The following PTCSC3 variants were observed in gnomAD, a reference collection of about 807,000 sequenced individuals.
PTCSC3 encodes papillary thyroid carcinoma susceptibility candidate 3 (non-protein coding).
chr14:36,148,067 G>A (rs1881628278), intron 3 of PTCSC3, among the ~76,000 whole-genome samples: 3 of 152,140 alleles, frequency 2.0e-5, no homozygotes, highest in African/African-American at 7.2e-5. Context: ...TCTCTTCAAA[G>A]CTGTCAGACA....
At chr14:36,148,112 TTTTG>T (rs1412977829) in intron 3 of PTCSC3, among the ~76,000 whole-genome samples, 1 of 152,040 alleles carries the variant, frequency 6.6e-6, no homozygotes. Context: ...ACTGCTGTCT[TTTTG>T]TTTGTCTGTG....
At chr14:36,162,299 C>T (rs1383806574) in intron 2 of PTCSC3, among the ~76,000 whole-genome samples, 2 of 148,560 alleles carry the variant, frequency 1.3e-5, no homozygotes, top group African/African-American at 2.5e-5. Context: ...CTGCAGCCAG[C>T]TCAGTGTCTG....
chr14:36,139,138 AAAGAAAT>A (rs1407446374), intron 3 of PTCSC3, among the ~76,000 whole-genome samples: 13 of 142,186 alleles, frequency 9.1e-5, no homozygotes, highest in South Asian at 2.2e-4. Context: ...AAAAAAAAAA[AAAGAAAT>A]GCATATATGT....
At chr14:36,156,148 T>A (rs149788846) in intron 2 of PTCSC3, among the ~76,000 whole-genome samples, 2,288 of 152,350 alleles carry the variant, frequency 0.015, 30 homozygotes, top group South Asian at 0.032. Context: ...GGTAAGTTTT[T>A]GTACATCACC....
rs1054504980 is a variant in PTCSC3 at position 36,167,155 on chromosome 14, T to C, written n.172-4472A>G. Among the ~76,000 whole-genome samples, 3 of 152,292 alleles carry C rather than the reference T, an allele frequency of 2.0e-5. No homozygotes were observed. The East Asian group carries it at 5.8e-4, about 29-fold the overall frequency. Reference sequence around the variant, plus strand: ...CCATTTTAAACCCAGCAATAGTGAGTGCAAACTTATTTCAGTACTTTTTCT... The same window carrying C: ...CCATTTTAAACCCAGCAATAGTGAGCGCAAACTTATTTCAGTACTTTTTCT... On this transcript the variant is annotated intron_variant and non_coding_transcript_variant, in intron 1 of 3. Transcript: ENST00000556013.
chr14:36,139,147 C>T (rs79679785), intron 3 of PTCSC3, among the ~76,000 whole-genome samples: 5,152 of 142,842 alleles, frequency 0.036, 272 homozygotes, highest in East Asian at 0.13. Context: ...AAAAGAAATG[C>T]ATATATGTCC....
At chr14:36,164,764 C>A (rs1164121736) in intron 1 of PTCSC3, among the ~76,000 whole-genome samples, 3 of 152,086 alleles carry the variant, frequency 2.0e-5, no homozygotes, top group Non-Finnish European at 4.4e-5. Context: ...GACATCAGAA[C>A]CATTTTTACA....
At chr14:36,139,127 A>AT (rs1443059748) in intron 3 of PTCSC3, among the ~76,000 whole-genome samples, 1 of 150,914 alleles carries the variant, frequency 6.6e-6, no homozygotes, top group Non-Finnish European at 1.5e-5. Context: ...AATAAAAAAA[A>AT]AAAAAAAAAA....
At position 36,147,112 on chromosome 14, in the gene PTCSC3, G is replaced by A. The variant is rs1435319021; in HGVS notation, n.322+6692C>T. Among the ~76,000 whole-genome samples the A allele has an allele frequency of 3.4e-3, 517 of 150,070 alleles. 5 individuals are homozygous for A. The highest frequency in any genetic ancestry group is 0.01 in the Admixed American group (156 of 15,086). On this transcript the variant is annotated intron_variant and non_coding_transcript_variant, in intron 3 of 3. Transcript: ENST00000556013. ...CCCTTAACATTTTTTCCTTCATTTCGACTTTGGTGAATCTGACAATTATGT... is the reference window on the plus strand; with the variant it reads ...CCCTTAACATTTTTTCCTTCATTTCAACTTTGGTGAATCTGACAATTATGT...
chr14:36,136,070 G>A (rs1566500439), downstream of PTCSC3: 1 of 152,192 alleles, frequency 6.6e-6, no homozygotes, highest in African/African-American at 2.4e-5. Context: ...CAAGGGCAGG[G>A]AGCATCCAGC....
chr14:36,170,411 G>A (rs981308806), intron 1 of PTCSC3, among the ~76,000 whole-genome samples: 4 of 152,028 alleles, frequency 2.6e-5, no homozygotes, highest in Non-Finnish European at 2.9e-5. Context: ...GCTCATTGGC[G>A]TTGAAACTAA....
In PTCSC3 at chr14:36,175,203, G is replaced by A. The variant is rs554089661; in HGVS notation, n.171+1095C>T. ...CTGCCATGCTCTGCTCAGACTCCAGGTCTCTGTACCATGGTCAGGAAATTG... is the reference window on the plus strand; with the variant it reads ...CTGCCATGCTCTGCTCAGACTCCAGATCTCTGTACCATGGTCAGGAAATTG... On this transcript the variant is annotated intron_variant and non_coding_transcript_variant, in intron 1 of 3. Coordinates refer to ENST00000556013, the Ensembl canonical transcript of PTCSC3. Among the ~76,000 whole-genome samples the A allele has an allele frequency of 3.3e-5, 5 of 152,212 alleles. No homozygotes were observed. The East Asian group carries it at 9.7e-4, about 29-fold the overall frequency.
At chr14:36,151,971 A>T (rs1881733470) in intron 3 of PTCSC3, among the ~76,000 whole-genome samples, 1 of 152,194 alleles carries the variant, frequency 6.6e-6, no homozygotes, top group Non-Finnish European at 1.5e-5. Flanking sequence ...TTTTCATTTC[A>T]TTGTGATTTG....
In PTCSC3 at chr14:36,152,028, A is replaced by C. The variant is rs143251598; in HGVS notation, n.322+1776T>G. Reference sequence around the variant, plus strand: ...TCTAAGAAGATTTGTTGATTTTCAAATTTTCAGCCCTCTTGTTGTGAGGAC... The same window carrying C: ...TCTAAGAAGATTTGTTGATTTTCAACTTTTCAGCCCTCTTGTTGTGAGGAC... On this transcript the variant is annotated intron_variant and non_coding_transcript_variant, in intron 3 of 3. Coordinates refer to ENST00000556013, the Ensembl canonical transcript of PTCSC3. 9.6e-3 allele frequency among the ~76,000 whole-genome samples: 1,448 copies of C among 150,976 alleles called. 8 individuals are homozygous for C. Among genetic ancestry groups the C allele is most frequent in the Middle Eastern group, 0.034 (10 of 294 alleles).
At chr14:36,168,981 C>A (rs1235737801) in intron 1 of PTCSC3, among the ~76,000 whole-genome samples, 1 of 152,094 alleles carries the variant, frequency 6.6e-6, no homozygotes, top group African/African-American at 2.4e-5. Flanking sequence ...GAATTTAAAA[C>A]TTCAGAGTTT....
intron 2 of PTCSC3, among the ~76,000 whole-genome samples, chr14:36,157,145 T>G (rs1881847436): frequency 6.6e-6 from 1 of 152,248 alleles, no homozygotes; most frequent in African/African-American, 2.4e-5. Flanking sequence ...GGTTTTGATT[T>G]GCATTTCTCT....
Position 36,152,215 on chromosome 14 carries a change from T to C in PTCSC3, n.322+1589A>G, listed in dbSNP as rs541893713. Among the ~76,000 whole-genome samples, 10 of 152,248 alleles carry C rather than the reference T, an allele frequency of 6.6e-5. No homozygotes were observed. The South Asian group carries it at 1.0e-3, about 16-fold the overall frequency. On this transcript the variant is annotated intron_variant and non_coding_transcript_variant, in intron 3 of 3. Transcript: ENST00000556013. ...TCATGATTTGAGATAGACAAGTTTT[T>C]TGAAGGTAAAAAAATGCTAAAGAAA...
chr14:36,155,382 A>G (rs1881806034), intron 2 of PTCSC3, among the ~76,000 whole-genome samples: 1 of 152,210 alleles, frequency 6.6e-6, no homozygotes, highest in Non-Finnish European at 1.5e-5. Flanking sequence ...TAGGTGTATA[A>G]GTAGCTGGTT....
chr14:36,173,033 T>C (rs1167523514), intron 1 of PTCSC3, among the ~76,000 whole-genome samples: 4 of 152,158 alleles, frequency 2.6e-5, no homozygotes, highest in Admixed American at 1.3e-4. Context: ...AAAAAATTAT[T>C]CTGGAATTAC....
Sources: allele counts gnomAD v4.1 joint callset (sites outside exome capture counted in the v4.1 genomes callset), GRCh38; gene constraint gnomAD v4.1.1; transcripts MANE v1.5; gene names NCBI Gene and HGNC (gene_info 2026-07-23, HGNC 2026-07-21).